Variants in TMEM132D observed in about 807,000 individuals in gnomAD.
The protein encoded by TMEM132D is transmembrane protein 132D.
A neutral mutation model predicts 62.3 loss-of-function variants in TMEM132D; 21 were observed. The ratio of observed to expected loss-of-function variants is 0.34; its 90% confidence interval spans 0.24 to 0.49. The LOEUF is 0.49. Ranked by LOEUF, TMEM132D falls within the 20% of genes least tolerant of loss-of-function variation. The probability of loss-of-function intolerance (pLI) is 0.99; values close to 1 mark genes in which losing one functional copy is unlikely to be tolerated. For synonymous variants in TMEM132D, 621 were observed against 575.6 expected (o/e 1.08, Z -1.13); for missense variants, 1,346 against 1,402.8 (o/e 0.96, Z 0.65).
chr12:129,836,318 A>G (rs374286508), intron 1 of TMEM132D, among the ~76,000 whole-genome samples: 3 of 151,982 alleles, frequency 2.0e-5, no homozygotes, highest in Non-Finnish European at 4.4e-5. Flanking sequence ...ACCTCTGCAG[A>G]CATTTGGAGC....
chr12:129,893,117 C>T (rs1295363508), intron 1 of TMEM132D, among the ~76,000 whole-genome samples: 1 of 152,054 alleles, frequency 6.6e-6, no homozygotes, highest in Non-Finnish European at 1.5e-5. Flanking sequence ...CCTCGTGATC[C>T]GCCTGCCTCG....
At chr12:129,162,371 C>T (rs758525500) in intron 5 of TMEM132D, among the ~76,000 whole-genome samples, 3 of 152,112 alleles carry the variant, frequency 2.0e-5, no homozygotes, top group Admixed American at 6.5e-5. Context: ...CCTCCAAAAC[C>T]GTGAGAAAAT....
intron 3 of TMEM132D, among the ~76,000 whole-genome samples, chr12:129,344,219 G>T (rs1174408369): frequency 1.3e-5 from 2 of 152,046 alleles, no homozygotes; most frequent in East Asian, 3.9e-4. Context: ...CCTCTCTTGG[G>T]GTCTGGATCA....
intron 3 of TMEM132D, among the ~76,000 whole-genome samples, chr12:129,377,348 G>A (rs941618987): frequency 6.6e-6 from 1 of 152,106 alleles, no homozygotes; most frequent in African/African-American, 2.4e-5. Flanking sequence ...TGTTTTGGCA[G>A]CCCAAGCAGA....
chr12:129,292,257 A>G (rs143913880), intron 4 of TMEM132D, among the ~76,000 whole-genome samples: 5 of 152,230 alleles, frequency 3.3e-5, no homozygotes, highest in South Asian at 2.1e-4. Flanking sequence ...GGTCTTCATA[A>G]TAATATTTTC....
At chr12:129,285,854 A>G (rs1881282221) in intron 4 of TMEM132D, among the ~76,000 whole-genome samples, 1 of 152,112 alleles carries the variant, frequency 6.6e-6, no homozygotes, top group South Asian at 2.1e-4. Context: ...TTCCCCCATC[A>G]GTCCATCACG....
chr12:129,690,271 C>A (rs1035498991), intron 2 of TMEM132D, among the ~76,000 whole-genome samples: 2 of 151,516 alleles, frequency 1.3e-5, no homozygotes, highest in Non-Finnish European at 1.5e-5. Flanking sequence ...TGGAATCAGG[C>A]AGAAAAAGGG....
intron 4 of TMEM132D, among the ~76,000 whole-genome samples, chr12:129,330,506 G>A (rs1056267171): frequency 1.6e-4 from 24 of 152,324 alleles, no homozygotes; most frequent in Admixed American, 1.4e-3. Flanking sequence ...ATCCATTCGT[G>A]GATGTGAATT....
rs910504775 is a variant in TMEM132D at position 129,086,194 on chromosome 12, G to A, written c.1444-1492C>T. Among the ~76,000 whole-genome samples, 9 of 92,498 alleles carry A rather than the reference G, an allele frequency of 9.7e-5. No individual in the cohort carries two copies. The East Asian group carries it at 1.4e-3, about 15-fold the overall frequency. The allele number at this position is 92,498 out of a possible 152,430, so 60.7% of individuals were successfully genotyped here. A position where few individuals can be genotyped will look rare whatever the true frequency, so the allele number is the denominator to read the frequency against. ...CATATCCATCACCTCACATAGTCAC[G>A]CGCGCGCGTGTGTGTGTGTGTGTGT... is the stretch of plus-strand genomic sequence containing the variant. On this transcript the variant is annotated intron_variant, in intron 5 of 8. Coordinates refer to ENST00000422113, the MANE Select transcript of TMEM132D (RefSeq NM_133448.3).
At chr12:129,268,939 T>C (rs1880773887) in intron 4 of TMEM132D, among the ~76,000 whole-genome samples, 1 of 146,972 alleles carries the variant, frequency 6.8e-6, no homozygotes. Context: ...AAACACTGCA[T>C]GTTCTCACTC....
chr12:129,410,744 T>C (rs1382551953), intron 3 of TMEM132D, among the ~76,000 whole-genome samples: 1 of 152,214 alleles, frequency 6.6e-6, no homozygotes, highest in Non-Finnish European at 1.5e-5. Flanking sequence ...TGAATTTATA[T>C]ATTTTTTTAA....
At chr12:129,685,735 T>G (rs757348740) in intron 2 of TMEM132D, among the ~76,000 whole-genome samples, 1 of 152,012 alleles carries the variant, frequency 6.6e-6, no homozygotes, top group Non-Finnish European at 1.5e-5. Flanking sequence ...GCAGACACAA[T>G]GCCAGCCCAT....
intron 2 of TMEM132D, among the ~76,000 whole-genome samples, chr12:129,647,557 C>A (rs139229371): frequency 6.6e-6 from 1 of 152,308 alleles, no homozygotes; most frequent in East Asian, 1.9e-4. Flanking sequence ...CCAATTTACA[C>A]TGCCACGTGC....
chr12:129,167,702 A>G (rs2135544863), intron 5 of TMEM132D, among the ~76,000 whole-genome samples: 1 of 152,132 alleles, frequency 6.6e-6, no homozygotes, highest in Admixed American at 6.5e-5. Flanking sequence ...GATACAGCTT[A>G]GATCTAGAGT....
At chr12:129,705,683 C>T (rs1881490757) in intron 1 of TMEM132D, among the ~76,000 whole-genome samples, 2 of 152,116 alleles carry the variant, frequency 1.3e-5, no homozygotes, top group South Asian at 4.1e-4. Context: ...AAGTGCAGTA[C>T]TCAAGAATAG....
At chr12:129,191,780 T>TAC (rs147294092) in intron 5 of TMEM132D, among the ~76,000 whole-genome samples, 15,067 of 150,068 alleles carry the variant, frequency 0.1, 773 homozygotes, top group African/African-American at 0.14. Context: ...CACACACACA[T>TAC]ACACACACAC....
intron 4 of TMEM132D, among the ~76,000 whole-genome samples, chr12:129,221,667 G>T (rs534510164): frequency 6.6e-6 from 1 of 152,146 alleles, no homozygotes; most frequent in South Asian, 2.1e-4. Context: ...TCCTAACTGT[G>T]GTTGACTTCT....
At chr12:129,665,061 CAGTT>C (rs995510033) in intron 2 of TMEM132D, among the ~76,000 whole-genome samples, 59 of 152,256 alleles carry the variant, frequency 3.9e-4, no homozygotes, top group African/African-American at 1.3e-3. Context: ...TACTAACACA[CAGTT>C]AGTGTTCACC....
intron 1 of TMEM132D, among the ~76,000 whole-genome samples, chr12:129,858,961 A>T (rs1239787409): frequency 8.3e-6 from 1 of 120,020 alleles, no homozygotes; most frequent in African/African-American, 3.4e-5. Flanking sequence ...GTGCCCTTGG[A>T]GTCCGGGGGA....
Sources: allele counts gnomAD v4.1 joint callset (sites outside exome capture counted in the v4.1 genomes callset), GRCh38; gene constraint gnomAD v4.1.1; transcripts MANE v1.5; gene names NCBI Gene and HGNC (gene_info 2026-07-23, HGNC 2026-07-21).